TMC1: variants seen among roughly 807,000 people sequenced by gnomAD.
TMC1 encodes the protein transmembrane channel like 1, also known as transmembrane channel-like protein 1.
Under a neutral mutation model 105.8 loss-of-function variants are expected in TMC1, and 84 were observed. The observed-to-expected ratio is 0.79, with a 90% CI of 0.67 to 0.95. The LOEUF (loss-of-function observed/expected upper bound fraction) is 0.95. TMC1 is among the 40% of genes least tolerant of loss of function. The probability of loss-of-function intolerance (pLI) is 0.00; values close to 1 mark genes in which losing one functional copy is unlikely to be tolerated. For synonymous variants in TMC1, 315 were observed against 311.5 expected (o/e 1.01, Z -0.12); for missense variants, 817 against 914.1 (o/e 0.89, Z 1.37).
intron 3 of TMC1, among the ~76,000 whole-genome samples, chr9:72,620,973 C>T (rs1271702201): frequency 6.6e-6 from 1 of 152,204 alleles, no homozygotes; most frequent in African/African-American, 2.4e-5. Flanking sequence ...GAACTTTTCA[C>T]TAACTGCATC....
At chr9:72,545,515 T>C (rs1416168543) in intron 1 of TMC1, among the ~76,000 whole-genome samples, 2 of 152,152 alleles carry the variant, frequency 1.3e-5, no homozygotes, top group African/African-American at 4.8e-5. Flanking sequence ...TTTGGCACAG[T>C]CTCACTCTGT....
chr9:72,672,110 C>G (rs1444374653), intron 5 of TMC1, among the ~76,000 whole-genome samples: 1 of 152,136 alleles, frequency 6.6e-6, no homozygotes, highest in African/African-American at 2.4e-5. Context: ...ATATGGCAGT[C>G]CCACATTGGT....
At chr9:72,813,978 G>A (rs1828743423) in intron 18 of TMC1, among the ~76,000 whole-genome samples, 2 of 152,136 alleles carry the variant, frequency 1.3e-5, no homozygotes, top group South Asian at 4.1e-4. Context: ...AACACAGCAG[G>A]AAGCTAGGGA....
At position 72,789,306 on chromosome 9, in the gene TMC1, GA is replaced by G; in HGVS notation, c.1220del (p.Asn407MetfsTer3). Reference sequence around the variant, plus strand: ...AGATCCTGACACCCTTGGGTGGTGGGAAAAAAATGAAGTTCGTCTCTGCATG... The same window carrying G: ...AGATCCTGACACCCTTGGGTGGTGGGAAAAAATGAAGTTCGTCTCTGCATG... ...QQDPDTLGWW[E>X]KNEMNMVMSL... On this transcript the variant is annotated frameshift_variant, in exon 15 of 24. Transcript: ENST00000297784. LOFTEE classifies it high-confidence loss of function. 6.2e-7 allele frequency: 1 copy of G among 1,613,850 alleles called. No homozygotes were observed.
At chr9:72,649,446 C>A (rs1462238777) in intron 5 of TMC1, among the ~76,000 whole-genome samples, 1 of 152,112 alleles carries the variant, frequency 6.6e-6, no homozygotes, top group African/African-American at 2.4e-5. Flanking sequence ...TGTTAGCTTA[C>A]TCATTTAATC....
chr9:72,601,182 A>AC (rs935836137), intron 2 of TMC1, among the ~76,000 whole-genome samples: 5 of 121,410 alleles, frequency 4.1e-5, no homozygotes, highest in Admixed American at 8.0e-5. Flanking sequence ...ACACACACAC[A>AC]CACACACACA....
In TMC1 at chr9:72,651,348, T is replaced by C. The variant is rs571213190; in HGVS notation, c.16+2684T>C. On this transcript the variant is annotated intron_variant, in intron 5 of 23. Transcript: ENST00000297784. ...ATGGAGAGTCAACACAACAGACTTC[T>C]GAGTTGTATTATCGAGCTCCTTCAA... The C allele has an allele frequency of 2.0e-5, 3 of 152,250 alleles. No homozygotes were observed. The South Asian group carries it at 6.2e-4, about 32-fold the overall frequency. 9.4% of individuals were successfully genotyped at this position (152,250 alleles called of 1,614,324 possible). A position where few individuals can be genotyped will look rare whatever the true frequency, so the allele number is the denominator to read the frequency against.
At position 72,548,162 on chromosome 9, in the gene TMC1, G is replaced by A. The variant is rs182463802; in HGVS notation, c.-428+26249G>A. ...AATCCATAGCACTGAGTCTGTATGT[G>A]TTGGGAACTGATTGATAAATTGGAA... On this transcript the variant is annotated intron_variant, in intron 1 of 23. Coordinates refer to ENST00000297784, the MANE Select transcript of TMC1 (RefSeq NM_138691.3). 4.5e-3 allele frequency among the ~76,000 whole-genome samples: 680 copies of A among 152,300 alleles called. 5 individuals carry two copies. The highest frequency in any genetic ancestry group is 0.012 in the Admixed American group (179 of 15,284).
intron 2 of TMC1, among the ~76,000 whole-genome samples, chr9:72,614,810 AGC>A (rs1160348052): frequency 6.6e-6 from 1 of 152,200 alleles, no homozygotes; most frequent in Non-Finnish European, 1.5e-5. Flanking sequence ...CCTCCTGAGT[AGC>A]TGGGATTACA....
intron 2 of TMC1, among the ~76,000 whole-genome samples, chr9:72,586,962 C>T (rs1235720558): frequency 1.3e-5 from 2 of 152,150 alleles, no homozygotes; most frequent in African/African-American, 2.4e-5. Context: ...TATTGCCTCT[C>T]TCCCATCAAC....
Position 72,545,843 on chromosome 9 carries a change from C to T in TMC1, c.-428+23930C>T, listed in dbSNP as rs151338749. On this transcript the variant is annotated intron_variant, in intron 1 of 23. Transcript: ENST00000297784. The stretch of plus-strand genomic sequence containing the variant: ...GGTTGGTGAAATACAAATCCTATTG[C>T]GCAGTAATTTTCACAAATTTTAAAA... 2.7e-3 allele frequency among the ~76,000 whole-genome samples: 408 copies of T among 152,100 alleles called. 2 individuals are homozygous for T. The highest frequency in any genetic ancestry group is 4.8e-3 in the Non-Finnish European group (329 of 68,002).
At chr9:72,591,217 T>C (rs1430663376) in intron 2 of TMC1, among the ~76,000 whole-genome samples, 1 of 152,156 alleles carries the variant, frequency 6.6e-6, no homozygotes, top group Non-Finnish European at 1.5e-5. Context: ...GTGGCACCTC[T>C]ACTTAAGACC....
intron 5 of TMC1, among the ~76,000 whole-genome samples, chr9:72,675,628 AC>A (rs1280727346): frequency 1.3e-5 from 2 of 152,056 alleles, no homozygotes; most frequent in Non-Finnish European, 2.9e-5. Context: ...TACAGTCTCA[AC>A]CCTCTGGCAT....
chr9:72,529,568 T>C (rs1823463545), intron 1 of TMC1, among the ~76,000 whole-genome samples: 1 of 152,148 alleles, frequency 6.6e-6, no homozygotes, highest in African/African-American at 2.4e-5. Flanking sequence ...TGTGTTTGTG[T>C]GTGTGGATAC....
At chr9:72,665,470 G>T (rs1826029184) in intron 5 of TMC1, among the ~76,000 whole-genome samples, 1 of 152,182 alleles carries the variant, frequency 6.6e-6, no homozygotes, top group Admixed American at 6.5e-5. Context: ...TAGATTTGGT[G>T]ACTGATTTAG....
chr9:72,669,174 C>T (rs566139760), intron 5 of TMC1, among the ~76,000 whole-genome samples: 10 of 152,026 alleles, frequency 6.6e-5, no homozygotes, highest in East Asian at 3.9e-4. Context: ...GGTGAGGTGG[C>T]GGCAGGCGCC....
At chr9:72,560,490 C>A (rs1824025700) in intron 1 of TMC1, among the ~76,000 whole-genome samples, 1 of 151,990 alleles carries the variant, frequency 6.6e-6, no homozygotes, top group African/African-American at 2.4e-5. Context: ...GAGTTGTTGT[C>A]ATTTTCCTTT....
Position 72,606,924 on chromosome 9 carries a change from A to T in TMC1, c.-305-9444A>T, listed in dbSNP as rs1824923883. The stretch of plus-strand genomic sequence containing the variant: ...ATAACATCTGCTTCATATGGCTGTT[A>T]TGAAGGCTAAGTAGGTTTATATATA... On this transcript the variant is annotated intron_variant, in intron 2 of 23. Coordinates refer to ENST00000297784, the MANE Select transcript of TMC1 (RefSeq NM_138691.3). Among the ~76,000 whole-genome samples, 4 of 151,020 alleles carry T rather than the reference A, an allele frequency of 2.6e-5. 1 individual carries two copies. In the South Asian group the frequency reaches 8.4e-4, roughly 32 times the overall value.
chr9:72,596,102 C>T (rs1223915098), intron 2 of TMC1, among the ~76,000 whole-genome samples: 1 of 151,932 alleles, frequency 6.6e-6, no homozygotes, highest in Non-Finnish European at 1.5e-5. Flanking sequence ...GTCTTGAACT[C>T]CTGACCTCGT....
Sources: allele counts gnomAD v4.1 joint callset (sites outside exome capture counted in the v4.1 genomes callset), GRCh38; gene constraint gnomAD v4.1.1; transcripts MANE v1.5; gene names NCBI Gene and HGNC (gene_info 2026-07-23, HGNC 2026-07-21).